The following HMCN2 variants were observed in gnomAD, a reference collection of about 807,000 sequenced individuals.
The protein encoded by HMCN2 is hemicentin 2.
In HMCN2, 325 loss-of-function variants were observed where a neutral mutation model predicts 377.5. The ratio of observed to expected loss-of-function variants is 0.86; its 90% CI spans 0.79 to 0.94. The LOEUF (loss-of-function observed/expected upper bound fraction) is 0.94, where lower values mean the gene tolerates loss of function less well. HMCN2 is among the 40% of genes least tolerant of loss of function. The pLI is 0.00. For synonymous variants in HMCN2, 2,007 were observed against 2,046.8 expected, an observed-to-expected ratio of 0.98 and a Z score of 0.53; for missense variants, 4,543 against 4,725.3, an observed-to-expected ratio of 0.96 and a Z score of 1.13.
rs1478926083 is a variant in HMCN2, at chr9:130,352,909, C to T, written c.4586-18C>T. On this transcript the variant is annotated intron_variant, in intron 30 of 97. Coordinates refer to ENST00000683500, the MANE Select transcript of HMCN2 (RefSeq NM_001291815.2). The stretch of plus-strand genomic sequence containing the variant: ...CTCAGCGGCTGCCTGTGACCAGCCC[C>T]ACCTCTTTCCTTCTCAGCGCCCCCC... The T allele has an allele frequency of 1.6e-5, 20 of 1,251,304 alleles. No individual in the cohort carries two copies. Among genetic ancestry groups the T allele is most frequent in the Non-Finnish European group, 2.0e-5 (19 of 961,116 alleles). The allele number at this position is 1,251,304 out of a possible 1,614,324, so 77.5% of individuals were successfully genotyped here.
chr9:130,419,518 G>A (rs12352066), intron 86 of HMCN2: 5,902 of 154,076 alleles, frequency 0.038, 374 homozygotes, highest in African/African-American at 0.13. Context: ...CCTTGGGTCA[G>A]ACCAACTTTA....
At chr9:130,342,984 A>G (rs925176908) in intron 25 of HMCN2, among the ~76,000 whole-genome samples, 1 of 152,158 alleles carries the variant, frequency 6.6e-6, no homozygotes, top group Non-Finnish European at 1.5e-5. Flanking sequence ...AACTCAGGAC[A>G]GTTTCTATCT....
Position 130,297,949 on chromosome 9 carries a change from G to A in HMCN2, c.1013-1076G>A, listed in dbSNP as rs1232173372. 2.6e-5 allele frequency among the ~76,000 whole-genome samples: 4 copies of A among 152,114 alleles called. No homozygotes were observed. In the East Asian group the frequency reaches 5.8e-4, roughly 22 times the overall value. On this transcript the variant is annotated intron_variant, in intron 7 of 97. Coordinates refer to ENST00000683500, the MANE Select transcript of HMCN2 (RefSeq NM_001291815.2). ...TTGGGTTTCTGCTCTTGATAAAGAT[G>A]TATATCCAAGATAATTTTTTTTTGA...
chr9:130,302,413 G>T (rs776668245), intron 8 of HMCN2, among the ~76,000 whole-genome samples: 4 of 152,142 alleles, frequency 2.6e-5, no homozygotes, highest in African/African-American at 9.7e-5. Context: ...TGTTCTAGGC[G>T]GAGAAGCAAT....
At chr9:130,298,860 CA>C in intron 7 of HMCN2, among the ~76,000 whole-genome samples, 164 bp from the exon 8 acceptor site, 1 of 152,278 alleles carries the variant, frequency 6.6e-6, no homozygotes, top group African/African-American at 2.4e-5. Context: ...CTACCTATCC[CA>C]CCCCCAGCGT....
chr9:130,287,695 G>A (rs1214646834), intron 4 of HMCN2, among the ~76,000 whole-genome samples: 1 of 152,142 alleles, frequency 6.6e-6, no homozygotes, highest in Non-Finnish European at 1.5e-5. Context: ...GGACTGGGCT[G>A]TGAGTCCCGA....
In HMCN2 at chr9:130,367,166, T is replaced by G. The variant is rs559902570; in HGVS notation, c.6626-1110T>G. Among the ~76,000 whole-genome samples, 42 of 152,154 alleles carry G rather than the reference T, an allele frequency of 2.8e-4. 1 individual carries two copies. The highest frequency in any genetic ancestry group is 9.4e-4 in the African/African-American group (39 of 41,502). ...TGATGGAGGAGAGTGGAGCTGCCAT[T>G]ACCGAGATGGGAGACCCCAGGGGCA... On this transcript the variant is annotated intron_variant, in intron 43 of 97. Transcript: ENST00000683500.
At position 130,351,090 on chromosome 9, in the gene HMCN2, G is replaced by A. The variant is rs144801179; in HGVS notation, c.4431-333G>A. Among the ~76,000 whole-genome samples, 5 of 152,234 alleles carry A rather than the reference G, an allele frequency of 3.3e-5. No individual in the cohort carries two copies. Among genetic ancestry groups the A allele is most frequent in the African/African-American group, 7.2e-5 (3 of 41,544 alleles). On this transcript the variant is annotated intron_variant, in intron 29 of 97. Transcript: ENST00000683500. The surrounding 1 kb of genome is among the most constrained non-coding windows in gnomAD (Gnocchi z 5.4). ...AAGCCTGCTTTCCTTCTCTATGGAC[G>A]TGCCTGTTCTGGGTACTTCACATCA...
chr9:130,329,332 T>C (rs1339147375), intron 22 of HMCN2, among the ~76,000 whole-genome samples: 2 of 152,188 alleles, frequency 1.3e-5, no homozygotes, highest in African/African-American at 4.8e-5. Context: ...TTCCTTTTAA[T>C]GGCCAAATAG....
chr9:130,365,647 T>C lies in HMCN2; in HGVS notation c.6425T>C (p.Val2142Ala), dbSNP rs1840652732. 2.0e-6 allele frequency: 2 copies of C among 985,994 alleles called. No homozygotes were observed. Among genetic ancestry groups the C allele is most frequent in the Non-Finnish European group, 1.2e-6 (1 of 830,028 alleles). The allele number at this position is 985,994 out of a possible 1,614,324, so 61.1% of individuals were successfully genotyped here. ...KALLQVDRAD[V>A]WDAGHYTCEA... is the part of the protein sequence containing the mutation. Reference sequence around the variant, plus strand: ...CTCTGCCAGGTGGACAGAGCCGATGTGTGGGATGCGGGCCATTACACCTGT... The same window carrying C: ...CTCTGCCAGGTGGACAGAGCCGATGCGTGGGATGCGGGCCATTACACCTGT... Residue 2142 changes from valine to alanine, a missense_variant, in exon 42 of 98, where the codon GTG becomes GCG. Val to Ala is a moderately conservative substitution (Grantham distance 64). This residue lies in a region of HMCN2 where 1,032 missense variants were observed against 1,285.1 expected (regional missense o/e 0.80). Transcript: ENST00000683500.
chr9:130,296,939 T>G (rs1256589430), intron 7 of HMCN2, 145 bp downstream of exon 7: 2 of 371,714 alleles, frequency 5.4e-6, no homozygotes, highest in African/African-American at 4.2e-5. Context: ...AGTGGGACTG[T>G]GCTCCCAGAC....
chr9:130,346,673 G>A (rs1287916360), intron 25 of HMCN2, among the ~76,000 whole-genome samples: 5 of 152,114 alleles, frequency 3.3e-5, no homozygotes, highest in African/African-American at 1.2e-4. Flanking sequence ...ACTGTGTGCC[G>A]GGCACTGTGC....
At position 130,360,677 on chromosome 9, in the gene HMCN2, C is replaced by G; in HGVS notation, c.5950+73C>G. 1 of 941,370 alleles carries G rather than the reference C, an allele frequency of 1.1e-6. No individual in the cohort carries two copies. The highest frequency in any genetic ancestry group is 1.6e-5 in the South Asian group (1 of 60,920). 58.3% of individuals were successfully genotyped at this position (941,370 alleles called of 1,614,324 possible). A position where few individuals can be genotyped will look rare whatever the true frequency, so the allele number is the denominator to read the frequency against. ...TTCATTCATTTGTCTATTAGTCTGT[C>G]CATCCACCTGTCCACTCATCCATCC... On this transcript the variant is annotated intron_variant, in intron 38 of 97. Transcript: ENST00000683500. This position sits in a 1 kb window ranked among gnomAD's most constrained non-coding sequence, Gnocchi z 4.7.
rs1471882689 is a variant in HMCN2 at position 130,385,720 on chromosome 9, G to C, written c.9267G>C (p.Gln3089His). ...CCCTGGTCCTGGCACAGCGGACCCA[G>C]GCTCTGCGGGGTGGGCAGAGGCTGG... ...GQPLVLAQRT[Q>H]ALRGGQRLEI... Residue 3089 changes from glutamine to histidine, a missense_variant, in exon 60 of 98, where the codon CAG becomes CAC. This residue lies in a region of HMCN2 where 736 missense variants were observed against 773.2 expected (regional missense o/e 0.95). Transcript: ENST00000683500. 7.7e-7 allele frequency: 1 copy of C among 1,304,176 alleles called. No homozygotes were observed. The allele number at this position is 1,304,176 out of a possible 1,614,324, so 80.8% of individuals were successfully genotyped here. A position where few individuals can be genotyped will look rare whatever the true frequency, so the allele number is the denominator to read the frequency against.
In HMCN2 at chr9:130,394,506, C is replaced by G; in HGVS notation, c.10623C>G (p.Asp3541Glu). 1 of 1,289,824 alleles carries G rather than the reference C, an allele frequency of 7.8e-7. No individual in the cohort carries two copies. Among genetic ancestry groups the G allele is most frequent in the Non-Finnish European group, 1.0e-6 (1 of 988,864 alleles). 79.9% of individuals were successfully genotyped at this position (1,289,824 alleles called of 1,614,324 possible). The change falls in exon 69 of 98, where the codon GAC (aspartate) becomes GAG (glutamate). Residue 3541 changes from aspartate to glutamate, a missense_variant. By Grantham distance (45) the Asp-to-Glu change is conservative. Transcript: ENST00000683500. This position sits in a 1 kb window ranked among gnomAD's most constrained non-coding sequence, Gnocchi z 5.1. The stretch of plus-strand genomic sequence containing the variant: ...AGCCCAACATCACCTGGCATAAGGA[C>G]GGGCAGGCCCTGACCAGGCTGGAGA... ...TPQPNITWHKDGQALTRLENN... is the reference protein window; with the variant it reads ...TPQPNITWHKEGQALTRLENN...
rs1046143695 is a variant in HMCN2, at chr9:130,384,462, C to T, written c.8920C>T (p.Pro2974Ser). ...CCTCCCTTGCGACGTCCACGCTCAC[C>T]CAAACCCCGAGGTCACGTGGTACAA... ...VSLPCDVHAH[P>S]NPEVTWYKDS... Residue 2974 changes from proline to serine, a missense_variant, in exon 58 of 98, where the codon CCA (proline) becomes TCA (serine). This residue lies in a region of HMCN2 where 736 missense variants were observed against 773.2 expected (regional missense o/e 0.95). Transcript: ENST00000683500. The T allele has an allele frequency of 5.4e-6, 7 of 1,304,142 alleles. No individual in the cohort carries two copies. The highest frequency in any genetic ancestry group is 3.0e-5 in the African/African-American group (2 of 65,856). 80.8% of individuals were successfully genotyped at this position (1,304,142 alleles called of 1,614,324 possible). A position where few individuals can be genotyped will look rare whatever the true frequency, so the allele number is the denominator to read the frequency against.
At chr9:130,404,697 A>G (rs1319636228) in intron 80 of HMCN2, among the ~76,000 whole-genome samples, 172 bp from the exon 81 acceptor site, 1 of 152,250 alleles carries the variant, frequency 6.6e-6, no homozygotes, top group African/African-American at 2.4e-5. Context: ...CACCAAACTC[A>G]GGGAGTCCCC....
In HMCN2 at chr9:130,368,456, G is replaced by A; in HGVS notation, c.6787+19G>A. 1.0e-6 allele frequency: 1 copy of A among 985,802 alleles called. No individual in the cohort carries two copies. Among genetic ancestry groups the A allele is most frequent in the South Asian group, 4.7e-5 (1 of 21,270 alleles). The allele number at this position is 985,802 out of a possible 1,614,324, so 61.1% of individuals were successfully genotyped here. ...GTGCACGGTGGGTGAGCTGGGCGGG[G>A]GCTGGAAGGGTCTGGGATCATGGAC... On this transcript the variant is annotated intron_variant, in intron 44 of 97. Coordinates refer to ENST00000683500, the MANE Select transcript of HMCN2 (RefSeq NM_001291815.2).
chr9:130,379,914 T>G (rs963766595), intron 54 of HMCN2, among the ~76,000 whole-genome samples: 1 of 152,234 alleles, frequency 6.6e-6, no homozygotes, highest in African/African-American at 2.4e-5. Flanking sequence ...TCGCTCTTGT[T>G]GCCCAGGCTG....
Sources: allele counts gnomAD v4.1 joint callset (sites outside exome capture counted in the v4.1 genomes callset), GRCh38; gene constraint gnomAD v4.1.1; regional missense constraint gnomAD v4.1.1; non-coding constraint Gnocchi (gnomAD v3.1); transcripts MANE v1.5; gene names NCBI Gene and HGNC (gene_info 2026-07-23, HGNC 2026-07-21).